Variants in ZFPM1 observed in about 807,000 individuals in gnomAD.
The protein encoded by ZFPM1 is zinc finger protein, FOG family member 1.
In ZFPM1, 28 loss-of-function variants were observed where a neutral mutation model predicts 46.3. The ratio of observed to expected loss-of-function variants is 0.60; its 90% CI spans 0.45 to 0.83. The LOEUF is 0.83. Among genes scored for constraint, ZFPM1 ranks in the 40% least tolerant of loss-of-function variants. The pLI, the probability that ZFPM1 is intolerant of heterozygous loss-of-function variation, is 0.00. For synonymous variants in ZFPM1, 957 were observed against 675.9 expected (o/e 1.42, Z -6.45); for missense variants, 1,878 against 1,432.4 (o/e 1.31, Z -5.02).
chr16:88,484,578 C>T (rs975576946), intron 1 of ZFPM1, among the ~76,000 whole-genome samples: 1 of 152,162 alleles, frequency 6.6e-6, no homozygotes, highest in African/African-American at 2.4e-5. Flanking sequence ...CTGAGTGTGT[C>T]GGGAGGCTCT....
intron 3 of ZFPM1, among the ~76,000 whole-genome samples, chr16:88,489,962 G>A (rs1909466045): frequency 6.6e-6 from 1 of 152,064 alleles, no homozygotes; most frequent in Non-Finnish European, 1.5e-5. Flanking sequence ...CAGAGGCGGG[G>A]TGGGGGTCGC....
chr16:88,526,942 C>T, intron 5 of ZFPM1, 26 bp downstream of exon 5: 1 of 1,542,268 alleles, frequency 6.5e-7, no homozygotes, highest in Non-Finnish European at 8.8e-7. Flanking sequence ...CACCTCCGTC[C>T]CAAGCCTTCC....
In ZFPM1 at chr16:88,512,604, C is replaced by T. The variant is rs556946419; in HGVS notation, c.269-1783C>T. ...AGGCCTGCATGCAGGGCCCACCCCA[C>T]GAAGCTCCAAGCGTTTCTGACAGTC... On this transcript the variant is annotated intron_variant, in intron 3 of 9. Coordinates refer to ENST00000319555, the MANE Select transcript of ZFPM1 (RefSeq NM_153813.3). 7.2e-5 allele frequency among the ~76,000 whole-genome samples: 11 copies of T among 152,132 alleles called. 1 individual carries two copies. In the South Asian group the frequency reaches 1.9e-3, roughly 26 times the overall value.
intron 1 of ZFPM1, among the ~76,000 whole-genome samples, chr16:88,477,989 C>T (rs1215453441): frequency 1.4e-5 from 2 of 140,022 alleles, no homozygotes; most frequent in African/African-American, 2.6e-5. Flanking sequence ...GAGAACAGAC[C>T]TGGGGGTGGG....
intron 1 of ZFPM1, among the ~76,000 whole-genome samples, chr16:88,460,948 AGGGGC>A (rs202127108): frequency 0.067 from 969 of 14,520 alleles, 245 homozygotes; most frequent in African/African-American, 0.13. Context: ...GTGATGACCG[AGGGGC>A]GGGGCGGGAG....
intron 1 of ZFPM1, among the ~76,000 whole-genome samples, chr16:88,459,618 C>G (rs1286901504): frequency 5.1e-5 from 6 of 118,106 alleles, no homozygotes; most frequent in African/African-American, 1.9e-4. Flanking sequence ...CCCCTCCTCT[C>G]CCTCCTCCCC....
rs1913006169 is a variant in ZFPM1 at position 88,533,724 on chromosome 16, T to C, written c.1766T>C (p.Val589Ala). Residue 589 changes from valine to alanine, a missense_variant, in exon 10 of 10, where the codon GTC becomes GCC. Transcript: ENST00000319555. ...CFECEITFSN[V>A]NNYYVHKRLY... ...GAGTGCGAGATCACCTTCAGCAACG[T>C]CAACAACTACTACGTGCACAAGCGC... The C allele has an allele frequency of 3.4e-6, 5 of 1,471,118 alleles. No homozygotes were observed. In the South Asian group the frequency reaches 5.9e-5, roughly 17 times the overall value. 91.1% of individuals were successfully genotyped at this position (1,471,118 alleles called of 1,614,324 possible). A position where few individuals can be genotyped will look rare whatever the true frequency, so the allele number is the denominator to read the frequency against.
intron 1 of ZFPM1, among the ~76,000 whole-genome samples, chr16:88,475,435 G>A (rs1908632570): frequency 6.6e-6 from 1 of 151,926 alleles, no homozygotes; most frequent in African/African-American, 2.4e-5. Context: ...CAAGGGGAGA[G>A]ACCAGACCTC....
At chr16:88,465,305 A>G (rs1262403581) in intron 1 of ZFPM1, among the ~76,000 whole-genome samples, 3 of 152,248 alleles carry the variant, frequency 2.0e-5, no homozygotes, top group Admixed American at 6.5e-5. Context: ...GCTGGGAGCT[A>G]GTAACCGTGG....
intron 1 of ZFPM1, among the ~76,000 whole-genome samples, chr16:88,482,806 G>C (rs761730311): frequency 6.6e-6 from 1 of 152,146 alleles, no homozygotes. Context: ...CAGAAAGCCC[G>C]GGCCTCTAGA....
In ZFPM1 at chr16:88,533,899, G is replaced by A. The variant is rs189881009; in HGVS notation, c.1941G>A (p.Gly647=). ...SSPGPGAREE[G]AGGAATPEDG... ...CGGGCCCCGGAGCGCGCGAGGAGGG[G>A]GCTGGGGGCGCGGCCACGCCCGAGG... The change falls in exon 10 of 10, where the codon GGG becomes GGA. Residue 647 remains glycine, a synonymous_variant. Transcript: ENST00000319555. 301 of 1,081,104 alleles carry A rather than the reference G, an allele frequency of 2.8e-4. 2 individuals carry two copies. In the African/African-American group the frequency reaches 4.7e-3, roughly 17 times the overall value. 67.0% of individuals were successfully genotyped at this position (1,081,104 alleles called of 1,614,324 possible). A position where few individuals can be genotyped will look rare whatever the true frequency, so the allele number is the denominator to read the frequency against.
At chr16:88,454,115 G>C (rs1455962729) in intron 1 of ZFPM1, among the ~76,000 whole-genome samples, 1 of 152,202 alleles carries the variant, frequency 6.6e-6, no homozygotes, top group Non-Finnish European at 1.5e-5. Context: ...TATCTCGCGC[G>C]GTTGACTCTC....
chr16:88,497,286 C>CAGCCCT lies in ZFPM1; in HGVS notation c.268+8134_268+8135insGCCCTA, dbSNP rs1231411649. Among the ~76,000 whole-genome samples, 2 of 151,420 alleles carry CAGCCCT rather than the reference C, an allele frequency of 1.3e-5. No individual in the cohort carries two copies. The highest frequency in any genetic ancestry group is 2.9e-5 in the Non-Finnish European group (2 of 68,032). On this transcript the variant is annotated intron_variant, in intron 3 of 9. Transcript: ENST00000319555. This position sits in a 1 kb window ranked among gnomAD's most constrained non-coding sequence, Gnocchi z 5.4. ...CCAGCCCCAGCCCCAGCCCCAGCCC[C>CAGCCCT]ATTCCAAGGTGTGACAGACACAGTA...
intron 8 of ZFPM1, 24 bp downstream of exon 8, chr16:88,532,733 G>T: frequency 6.2e-7 from 1 of 1,612,500 alleles, no homozygotes; most frequent in Non-Finnish European, 8.5e-7. Flanking sequence ...GGGCCGGGGG[G>T]TGTGTGGGTC....
In ZFPM1 at chr16:88,536,235, G is replaced by A. The variant is rs1913240710; in HGVS notation, c.*1256G>A. 6.6e-6 allele frequency: 1 copy of A among 152,114 alleles called. No homozygotes were observed. Among genetic ancestry groups the A allele is most frequent in the African/African-American group, 2.4e-5 (1 of 41,430 alleles). The allele number at this position is 152,114 out of a possible 1,614,324, so 9.4% of individuals were successfully genotyped here. Reference sequence around the variant, plus strand: ...TCCCCAGGCTGAAGTTCAGTGGCACGATCATAAGTCACTGCAGCCTCAAAC... The same window carrying A: ...TCCCCAGGCTGAAGTTCAGTGGCACAATCATAAGTCACTGCAGCCTCAAAC... On this transcript the variant is annotated 3_prime_UTR_variant, in exon 10 of 10. Transcript: ENST00000319555.
intron 1 of ZFPM1, among the ~76,000 whole-genome samples, chr16:88,473,015 GGAGGT>G (rs1908497017): frequency 2.6e-5 from 4 of 152,278 alleles, no homozygotes; most frequent in Admixed American, 2.6e-4. Flanking sequence ...CAGCTGGGCA[GGAGGT>G]CTGGGCGCAG....
At chr16:88,466,468 G>T (rs144443752) in intron 1 of ZFPM1, among the ~76,000 whole-genome samples, 2 of 152,316 alleles carry the variant, frequency 1.3e-5, no homozygotes, top group African/African-American at 4.8e-5. Flanking sequence ...AGGTTCTGGG[G>T]TGTTTGCAGT....
At chr16:88,477,831 C>T (rs1908753781) in intron 1 of ZFPM1, among the ~76,000 whole-genome samples, 1 of 152,264 alleles carries the variant, frequency 6.6e-6, no homozygotes. Flanking sequence ...CCCTGCACAG[C>T]AGCCACCTAC....
rs1226992703 is a variant in ZFPM1, at chr16:88,497,193, G to A, written c.268+8040G>A. Among the ~76,000 whole-genome samples the A allele has an allele frequency of 1.3e-5, 2 of 152,236 alleles. No individual in the cohort carries two copies. Among genetic ancestry groups the A allele is most frequent in the African/African-American group, 4.8e-5 (2 of 41,452 alleles). On this transcript the variant is annotated intron_variant, in intron 3 of 9. Transcript: ENST00000319555. This position sits in a 1 kb window ranked among gnomAD's most constrained non-coding sequence, Gnocchi z 5.4. ...TGGCCATGTCCCCAGGGCACTGCTG[G>A]CCAGTAGAAGGGATGCCCGAGTGTC...
Sources: allele counts gnomAD v4.1 joint callset (sites outside exome capture counted in the v4.1 genomes callset), GRCh38; gene constraint gnomAD v4.1.1; non-coding constraint Gnocchi (gnomAD v3.1); transcripts MANE v1.5; gene names NCBI Gene and HGNC (gene_info 2026-07-23, HGNC 2026-07-21).